The following PDE4B variants were observed in gnomAD, a reference collection of about 807,000 sequenced individuals.
The protein encoded by PDE4B is 3',5'-cyclic-AMP phosphodiesterase 4B.
Under a neutral mutation model 82.2 loss-of-function variants are expected in PDE4B, and 20 were observed. The observed-to-expected ratio is 0.24, with a 90% CI of 0.17 to 0.35. The LOEUF is 0.35. PDE4B is among the 10% of genes least tolerant of loss of function. The probability of loss-of-function intolerance (pLI) is 1.00; values close to 1 mark genes in which losing one functional copy is unlikely to be tolerated. For synonymous variants in PDE4B, 320 were observed against 318.9 expected (o/e 1.00, Z -0.04); for missense variants, 655 against 907.2 (o/e 0.72, Z 3.57).
intron 3 of PDE4B, among the ~76,000 whole-genome samples, chr1:65,923,740 T>A (rs1207664260): frequency 6.6e-6 from 1 of 152,226 alleles, no homozygotes; most frequent in East Asian, 1.9e-4. Flanking sequence ...GTCTTTCTTA[T>A]AGATAATCTG....
At chr1:66,092,539 G>T (rs929539207) in intron 3 of PDE4B, among the ~76,000 whole-genome samples, 1 of 151,984 alleles carries the variant, frequency 6.6e-6, no homozygotes, top group East Asian at 1.9e-4. Flanking sequence ...GCCTCAAGAA[G>T]CTTGAAAATT....
chr1:66,308,926 A>G (rs1371645317), intron 7 of PDE4B, among the ~76,000 whole-genome samples: 1 of 152,218 alleles, frequency 6.6e-6, no homozygotes, highest in African/African-American at 2.4e-5. Context: ...GTTCTACTCT[A>G]TAGTACTACA....
chr1:66,301,475 G>C (rs1657892580), intron 7 of PDE4B, among the ~76,000 whole-genome samples: 1 of 151,992 alleles, frequency 6.6e-6, no homozygotes, highest in South Asian at 2.1e-4. Context: ...GAGGCACAGA[G>C]AGGCTTAATG....
intron 7 of PDE4B, among the ~76,000 whole-genome samples, chr1:66,284,314 T>C (rs1351919439): frequency 6.6e-6 from 1 of 152,150 alleles, no homozygotes; most frequent in African/African-American, 2.4e-5. Context: ...CCATTTCAGC[T>C]CAAGTTAGCA....
chr1:66,189,085 A>C (rs1647482278), intron 3 of PDE4B, among the ~76,000 whole-genome samples: 1 of 151,498 alleles, frequency 6.6e-6, no homozygotes, highest in Non-Finnish European at 1.5e-5. Context: ...TTTCTCCTTC[A>C]CTTATGAAGC....
chr1:65,974,668 G>T (rs1650317939), intron 3 of PDE4B, among the ~76,000 whole-genome samples: 1 of 152,128 alleles, frequency 6.6e-6, no homozygotes, highest in Non-Finnish European at 1.5e-5. Context: ...ATTTCCCTTG[G>T]TGTTCTTGTG....
chr1:66,138,634 A>C lies in PDE4B; in HGVS notation c.282-108826A>C, dbSNP rs1344162302. 2.6e-5 allele frequency among the ~76,000 whole-genome samples: 4 copies of C among 152,256 alleles called. No homozygotes were observed. The East Asian group carries it at 7.7e-4, about 29-fold the overall frequency. On this transcript the variant is annotated intron_variant, in intron 3 of 16. Coordinates refer to ENST00000341517, the MANE Select transcript of PDE4B (RefSeq NM_002600.4). ...TGTCAGATGGACTAGATTGTCTGAC[A>C]GGTAGGATTAATACATTTTGTTAAT...
intron 9 of PDE4B, among the ~76,000 whole-genome samples, chr1:66,358,553 G>A (rs571417010): frequency 1.3e-5 from 2 of 151,800 alleles, no homozygotes; most frequent in East Asian, 1.9e-4. Flanking sequence ...ACATGCCTGT[G>A]GTCCCAGCTA....
At chr1:65,888,142 G>T (rs1338162533) in intron 1 of PDE4B, among the ~76,000 whole-genome samples, 2 of 151,952 alleles carry the variant, frequency 1.3e-5, no homozygotes, top group Non-Finnish European at 2.9e-5. Flanking sequence ...GAGAGTTAGG[G>T]GTCTAGTTTC....
chr1:66,225,008 A>G (rs993682745), intron 3 of PDE4B, among the ~76,000 whole-genome samples: 22 of 152,212 alleles, frequency 1.4e-4, no homozygotes, highest in African/African-American at 5.3e-4. Context: ...TTTGGACACA[A>G]TTCATGAACC....
Position 65,963,167 on chromosome 1 carries a change from T to C in PDE4B, c.281+44332T>C, listed in dbSNP as rs930283030. Among the ~76,000 whole-genome samples the C allele has an allele frequency of 1.6e-4, 24 of 152,288 alleles. No homozygotes were observed. In the South Asian group the frequency reaches 4.8e-3, roughly 30 times the overall value. ...ACTGCCTTACCTAAAGTACTCTCCTTCTATACTAACCCCCTGCCCCCACCT... is the reference window on the plus strand; with the variant it reads ...ACTGCCTTACCTAAAGTACTCTCCTCCTATACTAACCCCCTGCCCCCACCT... On this transcript the variant is annotated intron_variant, in intron 3 of 16. Coordinates refer to ENST00000341517, the MANE Select transcript of PDE4B (RefSeq NM_002600.4).
chr1:65,825,450 G>C (rs1210510657), intron 1 of PDE4B, among the ~76,000 whole-genome samples: 4 of 152,020 alleles, frequency 2.6e-5, no homozygotes, highest in African/African-American at 9.7e-5. Flanking sequence ...TTTGTTTGCT[G>C]CTCATGGATT....
intron 3 of PDE4B, chr1:65,992,654 C>T: frequency 9.4e-7 from 1 of 1,061,396 alleles, no homozygotes; most frequent in East Asian, 4.2e-5. Flanking sequence ...CACAAGGAGG[C>T]TACTGACATT....
chr1:66,313,382 T>A (rs1239639253), intron 7 of PDE4B, among the ~76,000 whole-genome samples: 1 of 152,216 alleles, frequency 6.6e-6, no homozygotes, highest in Admixed American at 6.5e-5. Flanking sequence ...GATTTACCCT[T>A]CTTGTTGCCC....
chr1:66,041,277 C>T (rs529526052), intron 3 of PDE4B, among the ~76,000 whole-genome samples: 2 of 152,070 alleles, frequency 1.3e-5, no homozygotes, highest in African/African-American at 4.8e-5. Flanking sequence ...TGATTTTTTA[C>T]CATCCAGTAC....
chr1:66,004,408 A>C (rs896382271), intron 3 of PDE4B, among the ~76,000 whole-genome samples: 1 of 152,174 alleles, frequency 6.6e-6, no homozygotes, highest in Non-Finnish European at 1.5e-5. Context: ...ACTTTATCAT[A>C]AAGCACATAT....
intron 3 of PDE4B, among the ~76,000 whole-genome samples, chr1:66,009,055 C>T (rs1652317958): frequency 6.6e-6 from 1 of 152,118 alleles, no homozygotes; most frequent in African/African-American, 2.4e-5. Context: ...ACAGCCAAAA[C>T]TTAGCACATC....
At chr1:66,333,880 GA>G (rs1557706907) in intron 8 of PDE4B, among the ~76,000 whole-genome samples, 1 of 151,216 alleles carries the variant, frequency 6.6e-6, no homozygotes, top group East Asian at 1.9e-4. Flanking sequence ...AGTTGGAAGG[GA>G]AAAAAAAAGA....
At chr1:65,814,705 T>C (rs967119082) in intron 1 of PDE4B, among the ~76,000 whole-genome samples, 12 of 152,146 alleles carry the variant, frequency 7.9e-5, no homozygotes, top group African/African-American at 2.9e-4. Context: ...TCATATAGTA[T>C]CTGCTTTTTT....
Sources: gnomAD v4.1 joint callset for allele counts (sites outside exome capture counted in the v4.1 genomes callset) on GRCh38, gnomAD v4.1.1 for gene constraint, MANE v1.5 for transcripts, NCBI Gene and HGNC (gene_info 2026-07-23, HGNC 2026-07-21) for gene names.